Variants in BACH2 observed in about 807,000 individuals in gnomAD.
BACH2 encodes transcription regulator protein BACH2.
BACH2 carries 5 observed loss-of-function variants against 61.8 expected under a neutral mutation model. The observed-to-expected ratio is 0.08, with a 90% CI of 0.04 to 0.17. The LOEUF is 0.17. BACH2 is among the 10% of genes least tolerant of loss of function. The pLI, the probability that BACH2 is intolerant of heterozygous loss-of-function variation, is 1.00. For synonymous variants in BACH2, 446 were observed against 440.1 expected, an observed-to-expected ratio of 1.01 and a Z score of -0.17; for missense variants, 824 against 1,091.1, an observed-to-expected ratio of 0.76 and a Z score of 3.45.
intron 3 of BACH2, among the ~76,000 whole-genome samples, chr6:90,247,276 T>C (rs888898365): frequency 4.0e-4 from 60 of 151,610 alleles, no homozygotes; most frequent in African/African-American, 1.4e-3. Context: ...GATGGTGTCT[T>C]ACCCAGGCTG....
chr6:90,063,860 T>G (rs1457114057), intron 5 of BACH2, among the ~76,000 whole-genome samples: 1 of 152,226 alleles, frequency 6.6e-6, no homozygotes, highest in African/African-American at 2.4e-5. Context: ...GTACATTTTT[T>G]CATCTAATGA....
chr6:90,259,171 G>GT (rs1771079532), intron 2 of BACH2, among the ~76,000 whole-genome samples: 1 of 152,132 alleles, frequency 6.6e-6, no homozygotes. Flanking sequence ...AAAACTTTCA[G>GT]TTTTCCCCCA....
chr6:90,020,233 C>T (rs867736320), intron 5 of BACH2, among the ~76,000 whole-genome samples: 8 of 152,268 alleles, frequency 5.3e-5, no homozygotes, highest in Non-Finnish European at 1.0e-4. Flanking sequence ...CCTTCTCAAC[C>T]TCCAATTATC....
intron 4 of BACH2, among the ~76,000 whole-genome samples, chr6:90,109,375 CCCTCCTCTGCAGAGT>C (rs1364592299): frequency 6.6e-6 from 1 of 152,128 alleles, no homozygotes; most frequent in Non-Finnish European, 1.5e-5. Flanking sequence ...ACCTGTGGCT[CCCTCCTCTGCAGAGT>C]CCTCCTCTGC....
At chr6:90,259,882 C>T (rs1562530570) in intron 2 of BACH2, among the ~76,000 whole-genome samples, 1 of 151,900 alleles carries the variant, frequency 6.6e-6, no homozygotes, top group Non-Finnish European at 1.5e-5. Context: ...ACTTATCATC[C>T]TTTTTATTCC....
chr6:90,013,766 T>C (rs56148686), intron 5 of BACH2, among the ~76,000 whole-genome samples: 89,350 of 151,784 alleles, frequency 0.59, 29,035 homozygotes, highest in African/African-American at 0.88. Context: ...CCTTGGCCTC[T>C]GAAAGTGCTG....
chr6:90,103,125 T>G (rs1479118411), intron 4 of BACH2, among the ~76,000 whole-genome samples: 1 of 148,870 alleles, frequency 6.7e-6, no homozygotes, highest in African/African-American at 2.5e-5. Context: ...TGCATCTTGA[T>G]CCATGAGTCA....
intron 5 of BACH2, among the ~76,000 whole-genome samples, chr6:90,028,425 A>G (rs933079082): frequency 6.6e-6 from 1 of 152,132 alleles, no homozygotes; most frequent in African/African-American, 2.4e-5. Flanking sequence ...TCCTCCCATT[A>G]CGGGCTTTTC....
chr6:90,023,308 G>T (rs879659753), intron 5 of BACH2, among the ~76,000 whole-genome samples: 1 of 151,866 alleles, frequency 6.6e-6, no homozygotes, highest in African/African-American at 2.4e-5. Flanking sequence ...GTTTCTCGTG[G>T]TTTAACACCA....
At chr6:90,286,472 A>T (rs1010554570) in intron 1 of BACH2, among the ~76,000 whole-genome samples, 60 of 152,218 alleles carry the variant, frequency 3.9e-4, no homozygotes, top group African/African-American at 1.4e-3. Flanking sequence ...GGGCCAGGCC[A>T]ATGAGCTAGG....
chr6:90,015,020 A>T (rs1314751901), intron 5 of BACH2, among the ~76,000 whole-genome samples: 3 of 148,612 alleles, frequency 2.0e-5, no homozygotes. Context: ...GTGTCAAGTG[A>T]TTCTCCTGCT....
At chr6:90,099,673 C>A (rs1442855561) in intron 4 of BACH2, among the ~76,000 whole-genome samples, 2 of 152,130 alleles carry the variant, frequency 1.3e-5, no homozygotes, top group African/African-American at 4.8e-5. Flanking sequence ...ATATGGGATT[C>A]AGCATACATT....
chr6:90,240,309 A>G (rs1424842288), intron 3 of BACH2, among the ~76,000 whole-genome samples: 1 of 152,236 alleles, frequency 6.6e-6, no homozygotes, highest in Non-Finnish European at 1.5e-5. Flanking sequence ...AATGCAAAAT[A>G]ACTTATAAAG....
intron 6 of BACH2, among the ~76,000 whole-genome samples, chr6:89,961,900 T>G (rs1245652165): frequency 5.3e-5 from 8 of 152,220 alleles, no homozygotes; most frequent in Non-Finnish European, 2.9e-5. Context: ...TATTTACAAT[T>G]AACATCTCTG....
chr6:90,044,016 T>C (rs562104667), intron 5 of BACH2, among the ~76,000 whole-genome samples: 17 of 152,134 alleles, frequency 1.1e-4, no homozygotes, highest in Admixed American at 1.0e-3. Context: ...ATTGATGGAG[T>C]GTCTACCATG....
intron 3 of BACH2, among the ~76,000 whole-genome samples, chr6:90,231,893 A>G (rs1026962414): frequency 6.6e-6 from 1 of 152,174 alleles, no homozygotes; most frequent in Non-Finnish European, 1.5e-5. Context: ...AATTCTAGTG[A>G]AACCTAGGCA....
At chr6:90,038,477 TAA>T (rs1779372091) in intron 5 of BACH2, among the ~76,000 whole-genome samples, 1 of 152,218 alleles carries the variant, frequency 6.6e-6, no homozygotes, top group Non-Finnish European at 1.5e-5. Flanking sequence ...TTGTTGTGTA[TAA>T]GAGTGGTTTC....
At chr6:90,115,813 C>A (rs1783374039) in intron 4 of BACH2, among the ~76,000 whole-genome samples, 1 of 151,920 alleles carries the variant, frequency 6.6e-6, no homozygotes, top group Non-Finnish European at 1.5e-5. Context: ...GGAACTTAAA[C>A]AAATTTACAA....
chr6:90,017,974 A>G (rs1371864732), intron 5 of BACH2, among the ~76,000 whole-genome samples: 1 of 152,176 alleles, frequency 6.6e-6, no homozygotes, highest in East Asian at 1.9e-4. Flanking sequence ...AAGCAGTTTG[A>G]TCCTTTCAGG....
Sources: gnomAD v4.1 joint callset for allele counts (sites outside exome capture counted in the v4.1 genomes callset) on GRCh38, gnomAD v4.1.1 for gene constraint, MANE v1.5 for transcripts, NCBI Gene and HGNC (gene_info 2026-07-23, HGNC 2026-07-21) for gene names.